SPTBN1: variants seen among roughly 807,000 people sequenced by gnomAD.
SPTBN1 encodes the protein spectrin beta, non-erythrocytic 1.
In SPTBN1, 32 loss-of-function variants were observed where a neutral mutation model predicts 266.4. That is an observed-to-expected ratio of 0.12 (90% CI 0.09 to 0.16). The LOEUF (loss-of-function observed/expected upper bound fraction) is 0.16. SPTBN1 is among the 10% of genes least tolerant of loss of function. The pLI is 1.00. For synonymous variants in SPTBN1, 1,336 were observed against 1,162.2 expected, an observed-to-expected ratio of 1.15 and a Z score of -3.04; for missense variants, 2,296 against 3,067.1, an observed-to-expected ratio of 0.75 and a Z score of 5.94.
chr2:54,495,332 C>G (rs564662303), intron 1 of SPTBN1, among the ~76,000 whole-genome samples: 2 of 152,246 alleles, frequency 1.3e-5, no homozygotes, highest in Admixed American at 1.3e-4. Flanking sequence ...ATCCCAGGTT[C>G]AGAGCTCAAG....
At chr2:54,560,190 G>GT (rs1673193772) in intron 2 of SPTBN1, among the ~76,000 whole-genome samples, 1 of 145,706 alleles carries the variant, frequency 6.9e-6, no homozygotes, top group African/African-American at 2.6e-5. Context: ...GTTGGGGTGG[G>GT]GGGGGGCGTT....
chr2:54,522,678 G>GAGAGAGAGAGAGAGA (rs370803474), intron 1 of SPTBN1, among the ~76,000 whole-genome samples: 3 of 78,576 alleles, frequency 3.8e-5, no homozygotes, highest in South Asian at 4.0e-4. Context: ...GAGAGAGAGA[G>GAGAGAGAGAGAGAGA]GAGAGAGAGA....
rs770660809 is a variant in SPTBN1 at position 54,646,426 on chromosome 2, C to T, written c.4817C>T (p.Ala1606Val). 1.3e-6 allele frequency: 2 copies of T among 1,590,180 alleles called. No individual in the cohort carries two copies. Among genetic ancestry groups the T allele is most frequent in the East Asian group, 2.2e-5 (1 of 44,494 alleles). ...TACTTTGACGCTGCTGAGGCCGAAGCCTGGATGAGCGAGCAGGAGCTGTAC... is the reference window on the plus strand; with the variant it reads ...TACTTTGACGCTGCTGAGGCCGAAGTCTGGATGAGCGAGCAGGAGCTGTAC... ...QYYFDAAEAE[A>V]WMSEQELYMM... The change falls in exon 23 of 36, where the codon GCC becomes GTC. Residue 1606 changes from alanine (A) to valine (V), a missense_variant. Physicochemically the swap from Ala to Val is moderately conservative, Grantham distance 64. Coordinates refer to ENST00000356805, the MANE Select transcript of SPTBN1 (RefSeq NM_003128.3). The surrounding 1 kb of genome is among the most constrained non-coding windows in gnomAD (Gnocchi z 4.4).
In SPTBN1 at chr2:54,645,004, A is replaced by G. The variant is rs1026858483; in HGVS notation, c.4270-225A>G. ...TTATAGGTAATAAAAATAACTGTTT[A>G]TATTATATCACCGTAGAGGGCTTTA... is the stretch of plus-strand genomic sequence containing the variant. On this transcript the variant is annotated intron_variant, in intron 20 of 35. Coordinates refer to ENST00000356805, the MANE Select transcript of SPTBN1 (RefSeq NM_003128.3). This position sits in a 1 kb window ranked among gnomAD's most constrained non-coding sequence, Gnocchi z 4.3. Among the ~76,000 whole-genome samples the G allele has an allele frequency of 9.9e-5, 15 of 152,256 alleles. No individual in the cohort carries two copies. Among genetic ancestry groups the G allele is most frequent in the African/African-American group, 3.4e-4 (14 of 41,462 alleles).
At chr2:54,616,325 G>A (rs1363442563) in intron 5 of SPTBN1, 27 bp downstream of exon 5, 1 of 1,600,088 alleles carries the variant, frequency 6.2e-7, no homozygotes, top group Non-Finnish European at 8.6e-7. Flanking sequence ...AGGGTATTGG[G>A]GCTGCTTCTT....
At chr2:54,479,140 C>T (rs1025473913) in intron 1 of SPTBN1, among the ~76,000 whole-genome samples, 2 of 152,310 alleles carry the variant, frequency 1.3e-5, no homozygotes, top group African/African-American at 2.4e-5. Flanking sequence ...AATGTTTAAA[C>T]ATTTTCAGGC....
rs549095996 is a variant in SPTBN1, at chr2:54,646,100, G to T, written c.4584+83G>T. 375 of 1,606,508 alleles carry T rather than the reference G, an allele frequency of 2.3e-4. 3 individuals are homozygous for T. The South Asian group carries it at 3.7e-3, about 16-fold the overall frequency. On this transcript the variant is annotated intron_variant, in intron 22 of 35. Transcript: ENST00000356805. The surrounding 1 kb of genome is among the most constrained non-coding windows in gnomAD (Gnocchi z 4.4). ...ACTGGGAATGGCAGAGAGCTTTGAA[G>T]CCTTGCTATTTCTTTCTGGCCCTAA...
At chr2:54,582,235 G>A (rs1674970171) in intron 2 of SPTBN1, among the ~76,000 whole-genome samples, 1 of 152,102 alleles carries the variant, frequency 6.6e-6, no homozygotes, top group Non-Finnish European at 1.5e-5. Context: ...TTTTATTGGG[G>A]GGTTGTGATG....
intron 1 of SPTBN1, among the ~76,000 whole-genome samples, chr2:54,474,475 G>A (rs1573222727): frequency 1.3e-5 from 2 of 152,112 alleles, no homozygotes. Context: ...TTCCTCATCA[G>A]TAAGATCAGG....
At chr2:54,523,704 G>A (rs933834081) in intron 1 of SPTBN1, among the ~76,000 whole-genome samples, 1 of 152,122 alleles carries the variant, frequency 6.6e-6, no homozygotes, top group African/African-American at 2.4e-5. Context: ...TTTTTGTGTG[G>A]TGGCATATGT....
chr2:54,594,106 G>C (rs1675881160), intron 2 of SPTBN1, among the ~76,000 whole-genome samples: 1 of 152,074 alleles, frequency 6.6e-6, no homozygotes, highest in Non-Finnish European at 1.5e-5. Flanking sequence ...TGGGATTATA[G>C]GTGTGAGCCA....
At chr2:54,488,557 A>G (rs1328641117) in intron 1 of SPTBN1, among the ~76,000 whole-genome samples, 1 of 152,228 alleles carries the variant, frequency 6.6e-6, no homozygotes, top group Non-Finnish European at 1.5e-5. Context: ...GTGTGATCAC[A>G]CAGGCTAAGT....
chr2:54,506,771 G>A lies in SPTBN1; in HGVS notation c.-47-19601G>A, dbSNP rs1393561497. On this transcript the variant is annotated intron_variant, in intron 1 of 35. Coordinates refer to ENST00000356805, the MANE Select transcript of SPTBN1 (RefSeq NM_003128.3). ...GTAATTATTTAAACACCATCGTAGT[G>A]CGTGCTATGAAAAAACAACAAACCA... Among the ~76,000 whole-genome samples, 3 of 152,098 alleles carry A rather than the reference G, an allele frequency of 2.0e-5. No homozygotes were observed. The East Asian group carries it at 5.8e-4, about 29-fold the overall frequency.
chr2:54,575,417 T>C (rs1674391887), intron 2 of SPTBN1, among the ~76,000 whole-genome samples: 1 of 152,272 alleles, frequency 6.6e-6, no homozygotes, highest in South Asian at 2.1e-4. Flanking sequence ...TCTGCTAATT[T>C]GCTTATCATT....
chr2:54,502,389 C>T (rs1669322755), intron 1 of SPTBN1, among the ~76,000 whole-genome samples: 1 of 152,074 alleles, frequency 6.6e-6, no homozygotes, highest in Non-Finnish European at 1.5e-5. Context: ...CTGCACGCCC[C>T]CCAACCCAGC....
At chr2:54,548,177 A>T (rs1311166143) in intron 2 of SPTBN1, among the ~76,000 whole-genome samples, 1 of 152,160 alleles carries the variant, frequency 6.6e-6, no homozygotes, top group Non-Finnish European at 1.5e-5. Context: ...GTGATGAATA[A>T]ATCCATTTGT....
intron 1 of SPTBN1, among the ~76,000 whole-genome samples, 193 bp from the exon 2 acceptor site, chr2:54,526,179 G>C (rs945503731): frequency 1.3e-5 from 2 of 152,206 alleles, no homozygotes; most frequent in African/African-American, 4.8e-5. Context: ...CTGAGGCTTA[G>C]AGATACTAAG....
chr2:54,545,778 C>T (rs570501854), intron 2 of SPTBN1, among the ~76,000 whole-genome samples: 3 of 151,870 alleles, frequency 2.0e-5, no homozygotes, highest in African/African-American at 7.3e-5. Context: ...AGGGGGTGGG[C>T]TGGATGGATT....
Position 54,466,455 on chromosome 2 carries a change from G to A in SPTBN1, c.-48+9937G>A, listed in dbSNP as rs1166789438. On this transcript the variant is annotated intron_variant, in intron 1 of 35. Transcript: ENST00000356805. ...CGGGCGCCTGTAGTCCCAGCTACTC[G>A]GGAGGCTGAGGCAGGAGAATGGCGT... 2.0e-3 allele frequency among the ~76,000 whole-genome samples: 68 copies of A among 33,626 alleles called. 26 individuals are homozygous for A. The highest frequency in any genetic ancestry group is 2.8e-3 in the Non-Finnish European group (59 of 21,060). The allele number at this position is 33,626 out of a possible 152,430, so 22.1% of individuals were successfully genotyped here.
Sources: allele counts gnomAD v4.1 joint callset (sites outside exome capture counted in the v4.1 genomes callset), GRCh38; gene constraint gnomAD v4.1.1; non-coding constraint Gnocchi (gnomAD v3.1); transcripts MANE v1.5; gene names NCBI Gene and HGNC (gene_info 2026-07-23, HGNC 2026-07-21).